The following RYR2 variants were observed in gnomAD, a reference collection of about 807,000 sequenced individuals.
RYR2 encodes the protein ryanodine receptor 2.
In RYR2, 227 loss-of-function variants were observed where a neutral mutation model predicts 601.1. The ratio of observed to expected loss-of-function variants is 0.38; its 90% confidence interval spans 0.34 to 0.42. The LOEUF (loss-of-function observed/expected upper bound fraction) is 0.42. Ranked by LOEUF, RYR2 falls within the 10% of genes least tolerant of loss-of-function variation. The pLI is 1.00. For missense variants in RYR2, 4,646 were observed against 6,156.5 expected (o/e 0.75, Z 8.21); for synonymous variants, 2,223 against 2,175.1 (o/e 1.02, Z -0.61).
intron 87 of RYR2, among the ~76,000 whole-genome samples, chr1:237,778,244 C>CTAAA (rs1240625287): frequency 6.6e-6 from 1 of 151,974 alleles, no homozygotes; most frequent in Non-Finnish European, 1.5e-5. Context: ...ATCCAGGTTA[C>CTAAA]TATTTAGGAG....
At chr1:237,719,037 G>T (rs957126640) in intron 73 of RYR2, among the ~76,000 whole-genome samples, 1 of 152,084 alleles carries the variant, frequency 6.6e-6, no homozygotes, top group African/African-American at 2.4e-5. Context: ...GCTGAGGCAG[G>T]CAAATCACTT....
rs71561857 is a variant in RYR2, at chr1:237,107,519, C to CAAAAAAAA, written c.48+64960_48+64967dup. Among the ~76,000 whole-genome samples, 7 of 38,900 alleles carry CAAAAAAAA rather than the reference C, an allele frequency of 1.8e-4. 3 individuals are homozygous for CAAAAAAAA. Among genetic ancestry groups the CAAAAAAAA allele is most frequent in the Non-Finnish European group, 3.6e-4 (7 of 19,368 alleles). 25.5% of individuals were successfully genotyped at this position (38,900 alleles called of 152,430 possible). ...TGGGAGACAGAGTGAGACTCCATCTCAAAAAAAAAAAAAAAAAGGAAACAT... is the reference window on the plus strand; with the variant it reads ...TGGGAGACAGAGTGAGACTCCATCTCAAAAAAAAAAAAAAAAAAAAAAAAAGGAAACAT... On this transcript the variant is annotated intron_variant, in intron 1 of 104. Transcript: ENST00000366574.
At chr1:237,616,945 C>G (rs142137709) in intron 37 of RYR2, among the ~76,000 whole-genome samples, 6 of 152,090 alleles carry the variant, frequency 3.9e-5, no homozygotes, top group Non-Finnish European at 7.4e-5. Context: ...TTCACTACCA[C>G]GAGAACAGCA....
At chr1:237,345,667 TTTA>T (rs1698242362) in intron 3 of RYR2, among the ~76,000 whole-genome samples, 1 of 152,102 alleles carries the variant, frequency 6.6e-6, no homozygotes, top group Non-Finnish European at 1.5e-5. Flanking sequence ...TTTCCTTATA[TTTA>T]TTGTGATGAC....
intron 89 of RYR2, among the ~76,000 whole-genome samples, chr1:237,782,411 G>A (rs1306821419): frequency 6.6e-6 from 1 of 152,124 alleles, no homozygotes; most frequent in African/African-American, 2.4e-5. Context: ...ACTAAGAAAT[G>A]TTTGGTATTA....
chr1:237,666,396 G>A, intron 56 of RYR2, 116 bp from the exon 57 acceptor site: 1 of 853,070 alleles, frequency 1.2e-6, no homozygotes, highest in East Asian at 2.7e-5. Context: ...AAACTTGCCA[G>A]TTTTATCTAA....
chr1:237,148,537 T>TATATATATATATACACACAC (rs1674314712), intron 1 of RYR2, among the ~76,000 whole-genome samples: 4 of 128,608 alleles, frequency 3.1e-5, no homozygotes, highest in African/African-American at 1.3e-4. Context: ...AATATATATA[T>TATATATATATATACACACAC]ATATATATAT....
chr1:237,089,801 A>G (rs1666757866), intron 1 of RYR2, among the ~76,000 whole-genome samples: 1 of 152,182 alleles, frequency 6.6e-6, no homozygotes. Context: ...TTTTTAAGTA[A>G]TCTCTGGTAT....
At chr1:237,405,368 C>T (rs1413010652) in intron 10 of RYR2, among the ~76,000 whole-genome samples, 4 of 152,298 alleles carry the variant, frequency 2.6e-5, no homozygotes, top group South Asian at 4.2e-4. Context: ...TCAAATATAT[C>T]CACAAATGGA....
intron 66 of RYR2, among the ~76,000 whole-genome samples, chr1:237,705,010 C>T (rs192868450): frequency 6.6e-6 from 1 of 152,134 alleles, no homozygotes; most frequent in East Asian, 1.9e-4. Context: ...TTTTTGCTAA[C>T]AGATAATTTA....
Position 237,648,599 on chromosome 1 carries a change from G to T in RYR2, c.7498G>T (p.Ala2500Ser). 1.2e-6 allele frequency: 2 copies of T among 1,609,266 alleles called. No individual in the cohort carries two copies. The highest frequency in any genetic ancestry group is 1.7e-6 in the Non-Finnish European group (2 of 1,177,556). The change falls in exon 49 of 105, where the codon GCT becomes TCT. Residue 2500 changes from alanine (A) to serine (S), a missense_variant. Transcript: ENST00000366574. ...VGFLPDLRAA[A>S]SLDTAALSAT... ...CTTTCTGCCAGATCTCCGGGCGGCT[G>T]CTTCTTTAGATACGGTGAGATTGGA...
At chr1:237,286,910 T>TAAA (rs1558558800) in intron 2 of RYR2, among the ~76,000 whole-genome samples, 1 of 152,158 alleles carries the variant, frequency 6.6e-6, no homozygotes, top group African/African-American at 2.4e-5. Flanking sequence ...TTTTGTTTTA[T>TAAA]AGGTCCTGTG....
chr1:237,072,599 T>C (rs1227674788), intron 1 of RYR2, among the ~76,000 whole-genome samples: 4 of 152,140 alleles, frequency 2.6e-5, no homozygotes, highest in Non-Finnish European at 5.9e-5. Context: ...ACACATAAAA[T>C]GGATTTGGAA....
At chr1:237,591,663 A>T (rs112387072) in intron 31 of RYR2, 76 bp from the exon 32 acceptor site, 1 of 1,232,100 alleles carries the variant, frequency 8.1e-7, no homozygotes, top group Non-Finnish European at 1.2e-6. Context: ...AGGCAACTCA[A>T]TTGATTATAT....
intron 2 of RYR2, among the ~76,000 whole-genome samples, chr1:237,330,092 A>AT (rs1440249725): frequency 1.2e-4 from 18 of 152,102 alleles, no homozygotes; most frequent in Non-Finnish European, 1.8e-4. Context: ...CTGTTCTTTA[A>AT]TTTTTTTATC....
In RYR2 at chr1:237,819,080, G is replaced by A; in HGVS notation, c.14478G>A (p.Gly4826=). 3 of 1,613,868 alleles carry A rather than the reference G, an allele frequency of 1.9e-6. No homozygotes were observed. The highest frequency in any genetic ancestry group is 2.5e-6 in the Non-Finnish European group (3 of 1,179,806). ...HMYVGVRAGG[G]IGDEIEDPAG... ...ATGTTGGAGTTCGTGCTGGAGGAGG[G>A]ATCGGGGATGAAATCGAAGACCCAG... Residue 4826 remains glycine, a synonymous_variant, in exon 101 of 105, where the codon GGG becomes GGA. Coordinates refer to ENST00000366574, the MANE Select transcript of RYR2 (RefSeq NM_001035.3). This position sits in a 1 kb window ranked among gnomAD's most constrained non-coding sequence, Gnocchi z 4.0.
At chr1:237,510,265 T>C (rs1355399254) in intron 23 of RYR2, among the ~76,000 whole-genome samples, 1 of 152,130 alleles carries the variant, frequency 6.6e-6, no homozygotes, top group Non-Finnish European at 1.5e-5. Flanking sequence ...GTATGGGATG[T>C]AGCAGGAGAA....
Position 237,833,833 on chromosome 1 carries a change from T to C in RYR2, c.*1186T>C, listed in dbSNP as rs1664089213. The C allele has an allele frequency of 6.6e-6, 1 of 152,670 alleles. No individual in the cohort carries two copies. The highest frequency in any genetic ancestry group is 2.4e-5 in the African/African-American group (1 of 41,462). 9.5% of individuals were successfully genotyped at this position (152,670 alleles called of 1,614,324 possible). On this transcript the variant is annotated 3_prime_UTR_variant, in exon 105 of 105. Coordinates refer to ENST00000366574, the MANE Select transcript of RYR2 (RefSeq NM_001035.3). ...TATACATCACTCCATTTTTTCCATTTTGAGTCCTTTTAAATGTAATGCTAA... is the reference window on the plus strand; with the variant it reads ...TATACATCACTCCATTTTTTCCATTCTGAGTCCTTTTAAATGTAATGCTAA...
chr1:237,566,229 T>C (rs1316613052), intron 27 of RYR2, among the ~76,000 whole-genome samples: 1 of 152,140 alleles, frequency 6.6e-6, no homozygotes, highest in Non-Finnish European at 1.5e-5. Context: ...CTTCTTTCCA[T>C]CTCATCCTCC....
Sources: allele counts gnomAD v4.1 joint callset (sites outside exome capture counted in the v4.1 genomes callset), GRCh38; gene constraint gnomAD v4.1.1; non-coding constraint Gnocchi (gnomAD v3.1); transcripts MANE v1.5; gene names NCBI Gene and HGNC (gene_info 2026-07-23, HGNC 2026-07-21).